The following RTN4 variants were observed in gnomAD, a reference collection of about 807,000 sequenced individuals.
RTN4 encodes the protein reticulon-4.
In RTN4, 32 loss-of-function variants were observed where a neutral mutation model predicts 90.4. The observed-to-expected ratio is 0.35, with a 90% CI of 0.27 to 0.48. RTN4 has a LOEUF of 0.48. RTN4 is among the 20% of genes least tolerant of loss of function. The probability of loss-of-function intolerance (pLI) is 0.99; values close to 1 mark genes in which losing one functional copy is unlikely to be tolerated. For synonymous variants in RTN4, 629 were observed against 552.5 expected, an observed-to-expected ratio of 1.14 and a Z score of -1.94; for missense variants, 1,706 against 1,430.2, an observed-to-expected ratio of 1.19 and a Z score of -3.11.
chr2:55,123,236 T>C, the RTN4 span, among the ~76,000 whole-genome samples: 3 of 152,230 alleles, frequency 2.0e-5, no homozygotes, highest in Non-Finnish European at 2.9e-5. Context: ...TTGATTCTTG[T>C]ATGACCTCAG....
the RTN4 span, among the ~76,000 whole-genome samples, chr2:55,136,764 A>T: frequency 1.3e-5 from 2 of 152,230 alleles, no homozygotes; most frequent in Admixed American, 6.5e-5. Flanking sequence ...AAAATTTTAA[A>T]TCTGACTCGC....
chr2:55,125,964 G>C, the RTN4 span, among the ~76,000 whole-genome samples: 3 of 152,004 alleles, frequency 2.0e-5, no homozygotes, highest in South Asian at 2.1e-4. Flanking sequence ...GGGAGGCCGA[G>C]GCGGGAGAAT....
rs756299885 is a variant in RTN4, at chr2:54,973,211, A to AAGTC, written c.3537-17_3537-14dup. 2 of 1,598,544 alleles carry AAGTC rather than the reference A, an allele frequency of 1.3e-6. No individual in the cohort carries two copies. The highest frequency in any genetic ancestry group is 2.2e-5 in the East Asian group (1 of 44,482). On this transcript the variant is annotated splice_polypyrimidine_tract_variant and intron_variant, in intron 8 of 8. Transcript: ENST00000337526. The stretch of plus-strand genomic sequence containing the variant: ...TTTTGCTTGGATTCTGAAAATGAAA[A>AAGTC]AGTCAATGTAAATATCAGTTTTGTT...
chr2:55,038,498 C>CAT (rs34723780), intron 1 of RTN4, among the ~76,000 whole-genome samples: 58,954 of 151,784 alleles, frequency 0.39, 11,523 homozygotes, highest in East Asian at 0.63. Flanking sequence ...CCAAAGAAAA[C>CAT]ACACACAAAG....
chr2:55,041,080 A>T (rs1040464290), intron 1 of RTN4, among the ~76,000 whole-genome samples: 3 of 143,024 alleles, frequency 2.1e-5, no homozygotes, highest in African/African-American at 7.7e-5. Flanking sequence ...TCTCAACACA[A>T]TTTTTTTTTT....
chr2:55,064,274 C>T (rs890523255), intron 2 of RTN4, among the ~76,000 whole-genome samples: 4 of 149,548 alleles, frequency 2.7e-5, no homozygotes, highest in African/African-American at 9.8e-5. Flanking sequence ...TCAAAAGAAA[C>T]ATCTAGAGTC....
chr2:54,987,018 C>CA (rs762419104), intron 4 of RTN4, among the ~76,000 whole-genome samples: 3 of 151,346 alleles, frequency 2.0e-5, no homozygotes, highest in Non-Finnish European at 4.4e-5. Context: ...TAAAGCTCTC[C>CA]AAAAAATAAT....
chr2:55,102,472 A>G (rs892243487), intron 1 of RTN4, among the ~76,000 whole-genome samples: 6 of 152,234 alleles, frequency 3.9e-5, no homozygotes, highest in African/African-American at 4.8e-5. Flanking sequence ...ATAAAACTTT[A>G]TTTGTGGACG....
At chr2:55,009,381 A>G (rs1680468284) in intron 3 of RTN4, among the ~76,000 whole-genome samples, 1 of 152,180 alleles carries the variant, frequency 6.6e-6, no homozygotes, top group Non-Finnish European at 1.5e-5. Context: ...ATTCTAGTCA[A>G]CATTTTACCA....
At chr2:55,046,675 G>C (rs1315052161) in intron 1 of RTN4, 2 of 152,150 alleles carry the variant, frequency 1.3e-5, no homozygotes. Context: ...TACCCTCAAA[G>C]CTTAGAATAG....
In RTN4 at chr2:55,027,460, TG is replaced by T; in HGVS notation, c.638del (p.Pro213GlnfsTer73). On this transcript the variant is annotated frameshift_variant, in exon 3 of 9. Coordinates refer to ENST00000337526, the MANE Select transcript of RTN4 (RefSeq NM_020532.5). LOFTEE classifies it high-confidence loss of function. ...CTTGACCAGCCGAAATAGTGTTACCTGGCTGCTCCTTCAAGTCCATATTTTC... is the reference window on the plus strand; with the variant it reads ...CTTGACCAGCCGAAATAGTGTTACCTGCTGCTCCTTCAAGTCCATATTTTC... ...SAENMDLKEQ[P>X]GNTISAGQED... 1.2e-6 allele frequency: 2 copies of T among 1,609,308 alleles called. No individual in the cohort carries two copies. The highest frequency in any genetic ancestry group is 2.2e-5 in the South Asian group (2 of 90,328).
chr2:55,025,131 T>G lies in RTN4; in HGVS notation c.2968A>C (p.Arg990=). Residue 990 remains arginine (R), a synonymous_variant, in exon 3 of 9, where the codon AGA becomes CGA. Transcript: ENST00000337526. ...KLPSDTEKED[R]SPSAIFSAEL... is the part of the protein sequence containing the mutation. The stretch of plus-strand genomic sequence containing the variant: ...GCTGAAAATATAGCAGATGGTGATC[T>G]GTCCTCTTTTTCTGTATCGGAAGGA... 1 of 1,613,242 alleles carries G rather than the reference T, an allele frequency of 6.2e-7. No homozygotes were observed. Among genetic ancestry groups the G allele is most frequent in the African/African-American group, 1.3e-5 (1 of 74,976 alleles).
rs181021414 is a variant in RTN4 at position 55,072,440 on chromosome 2, A to G, written c.-63+8049T>C. 1.5e-3 allele frequency among the ~76,000 whole-genome samples: 232 copies of G among 152,244 alleles called. 1 individual carries two copies. The highest frequency in any genetic ancestry group is 2.5e-3 in the Non-Finnish European group (167 of 68,020). On this transcript the variant is annotated intron_variant, in intron 2 of 3. Coordinates refer to the RTN4 transcript ENST00000427710. ...GAGATGGGGTTTCACTGCGTTAGCC[A>G]GGATGGTCTCGATCTCCTGACCTCG...
chr2:55,011,820 CATAA>C (rs1427804021), intron 3 of RTN4, among the ~76,000 whole-genome samples: 1 of 152,176 alleles, frequency 6.6e-6, no homozygotes, highest in African/African-American at 2.4e-5. Flanking sequence ...TAACTCCAAA[CATAA>C]ATAAAGAAAA....
Position 55,045,390 on chromosome 2 carries a change from T to C in RTN4, c.556+4355A>G, listed in dbSNP as rs548985252. On this transcript the variant is annotated intron_variant, in intron 1 of 8. Transcript: ENST00000337526. The stretch of plus-strand genomic sequence containing the variant: ...AAAGCGTGCTTCTTATACTCTTATA[T>C]TCCTCCCTTCTATTCCATTTTCACT... Among the ~76,000 whole-genome samples the C allele has an allele frequency of 7.2e-5, 11 of 152,354 alleles. No individual in the cohort carries two copies. The South Asian group carries it at 2.3e-3, about 32-fold the overall frequency.
At chr2:55,108,096 C>T (rs1667975666) in intron 1 of RTN4, among the ~76,000 whole-genome samples, 1 of 151,996 alleles carries the variant, frequency 6.6e-6, no homozygotes, top group South Asian at 2.1e-4. Flanking sequence ...GCTGGGATTA[C>T]AGGCGATGCC....
At chr2:55,044,080 C>T (rs1001008367) in intron 1 of RTN4, among the ~76,000 whole-genome samples, 35 of 151,604 alleles carry the variant, frequency 2.3e-4, no homozygotes, top group African/African-American at 8.5e-4. Context: ...CCTGTGGTCC[C>T]AGCTAGTTGG....
At chr2:55,031,968 TC>T (rs1408965090) in intron 1 of RTN4, among the ~76,000 whole-genome samples, 1 of 151,716 alleles carries the variant, frequency 6.6e-6, no homozygotes, top group Non-Finnish European at 1.5e-5. Context: ...AACCACCAAA[TC>T]CATGACATGC....
chr2:55,097,334 T>G (rs1483694970), intron 1 of RTN4, among the ~76,000 whole-genome samples: 3 of 150,772 alleles, frequency 2.0e-5, no homozygotes, highest in Non-Finnish European at 4.4e-5. Context: ...TTGGCCTCAG[T>G]CCAGACTCAG....
Sources: gnomAD v4.1 joint callset for allele counts (sites outside exome capture counted in the v4.1 genomes callset) on GRCh38, gnomAD v4.1.1 for gene constraint, MANE v1.5 for transcripts, NCBI Gene and HGNC (gene_info 2026-07-23, HGNC 2026-07-21) for gene names.